Variants in GABRG1 observed in about 807,000 individuals in gnomAD.
The protein encoded by GABRG1 is gamma-aminobutyric acid type A receptor subunit gamma1.
A neutral mutation model predicts 49.8 loss-of-function variants in GABRG1; 49 were observed. The ratio of observed to expected loss-of-function variants is 0.98; its 90% CI spans 0.78 to 1.25. GABRG1 has a LOEUF of 1.25. Among genes scored for constraint, GABRG1 ranks in the 50% most tolerant of loss-of-function variants. The pLI, the probability that GABRG1 is intolerant of heterozygous loss-of-function variation, is 0.00. For missense variants in GABRG1, 552 were observed against 552.3 expected (o/e 1.00, Z 0.01); for synonymous variants, 232 against 185.1 (o/e 1.25, Z -2.06).
intron 8 of GABRG1, among the ~76,000 whole-genome samples, chr4:46,043,153 CAT>C (rs1717849623): frequency 1.3e-5 from 2 of 151,802 alleles, no homozygotes; most frequent in South Asian, 4.1e-4. Context: ...AAACACATTC[CAT>C]ATATGAAACG....
At chr4:46,122,096 A>G (rs1721103520) in intron 1 of GABRG1, among the ~76,000 whole-genome samples, 1 of 152,072 alleles carries the variant, frequency 6.6e-6, no homozygotes. Flanking sequence ...AAGGCCCTTG[A>G]CACATGAGAT....
chr4:46,115,535 A>C (rs964525436), intron 1 of GABRG1, among the ~76,000 whole-genome samples: 3 of 150,704 alleles, frequency 2.0e-5, no homozygotes, highest in Admixed American at 1.3e-4. Context: ...TGAGTAAAAA[A>C]CTCAAACTGT....
chr4:46,112,751 G>A (rs1720759615), intron 1 of GABRG1, among the ~76,000 whole-genome samples: 1 of 151,068 alleles, frequency 6.6e-6, no homozygotes, highest in African/African-American at 2.4e-5. Flanking sequence ...GGGTGCTCAT[G>A]AACATAAAAG....
Position 46,038,417 on chromosome 4 carries a change from C to T in GABRG1, c.*2571G>A, listed in dbSNP as rs1364650216. ...TACAAATGATCTTATTCCTTGTGCT[C>T]CAGGTATCCTTCCCAATTCTTTATA... is the stretch of plus-strand genomic sequence containing the variant. On this transcript the variant is annotated 3_prime_UTR_variant, in exon 9 of 9. Coordinates refer to ENST00000295452, the MANE Select transcript of GABRG1 (RefSeq NM_173536.4). The T allele has an allele frequency of 6.6e-6, 1 of 151,556 alleles. No individual in the cohort carries two copies. Among genetic ancestry groups the T allele is most frequent in the Non-Finnish European group, 1.5e-5 (1 of 67,670 alleles). The allele number at this position is 151,556 out of a possible 1,614,324, so 9.4% of individuals were successfully genotyped here.
intron 1 of GABRG1, among the ~76,000 whole-genome samples, chr4:46,105,016 C>A (rs1413639083): frequency 6.6e-6 from 1 of 151,346 alleles, no homozygotes; most frequent in Non-Finnish European, 1.5e-5. Context: ...TCAGAACTTC[C>A]TCTTGAAAAC....
intron 1 of GABRG1, among the ~76,000 whole-genome samples, chr4:46,098,440 A>G (rs1057073287): frequency 6.6e-6 from 1 of 151,772 alleles, no homozygotes; most frequent in African/African-American, 2.4e-5. Context: ...TTATTCACAT[A>G]TATTTCAAAG....
chr4:46,063,305 T>C (rs2109406995), intron 5 of GABRG1, among the ~76,000 whole-genome samples: 1 of 152,046 alleles, frequency 6.6e-6, no homozygotes, highest in East Asian at 1.9e-4. Context: ...AGCATGGTAC[T>C]GGTACCAAAA....
At chr4:46,061,446 T>G (rs1009401771) in intron 5 of GABRG1, among the ~76,000 whole-genome samples, 1 of 152,124 alleles carries the variant, frequency 6.6e-6, no homozygotes, top group Admixed American at 6.6e-5. Context: ...GAATGTGATC[T>G]GTGAAAACAA....
At chr4:46,048,421 A>T (rs964639944) in intron 8 of GABRG1, among the ~76,000 whole-genome samples, 1 of 135,356 alleles carries the variant, frequency 7.4e-6, no homozygotes, top group Non-Finnish European at 1.6e-5. Flanking sequence ...GAAGGAAGGA[A>T]GGTTCTTCCA....
chr4:46,057,976 G>C (rs1196402535), intron 7 of GABRG1, among the ~76,000 whole-genome samples: 1 of 151,924 alleles, frequency 6.6e-6, no homozygotes, highest in Admixed American at 6.6e-5. Flanking sequence ...GCTTCCCTTG[G>C]TCTTCATTAG....
chr4:46,096,204 T>C (rs1376564100), intron 2 of GABRG1, among the ~76,000 whole-genome samples: 1 of 150,956 alleles, frequency 6.6e-6, no homozygotes, highest in Non-Finnish European at 1.5e-5. Flanking sequence ...AAGCAGAAAA[T>C]ATATAATTAA....
At chr4:46,042,164 C>A (rs1288083539) in intron 8 of GABRG1, among the ~76,000 whole-genome samples, 1 of 151,812 alleles carries the variant, frequency 6.6e-6, no homozygotes, top group Non-Finnish European at 1.5e-5. Flanking sequence ...TGAAACATAG[C>A]AAGTAATCAC....
chr4:46,090,120 C>T (rs190007158), intron 2 of GABRG1, among the ~76,000 whole-genome samples: 1 of 152,122 alleles, frequency 6.6e-6, no homozygotes, highest in East Asian at 1.9e-4. Flanking sequence ...ACAAAGGGTA[C>T]TAAAACATAT....
intron 1 of GABRG1, among the ~76,000 whole-genome samples, chr4:46,098,012 G>C (rs748413097): frequency 6.6e-6 from 1 of 151,650 alleles, no homozygotes; most frequent in Non-Finnish European, 1.5e-5. Flanking sequence ...CATTTTACTA[G>C]AAGTGATATT....
intron 2 of GABRG1, among the ~76,000 whole-genome samples, chr4:46,085,305 G>A (rs1234822486): frequency 1.3e-5 from 2 of 151,364 alleles, no homozygotes; most frequent in African/African-American, 4.8e-5. Context: ...CCAATTATAA[G>A]ATAAACATAT....
chr4:46,065,905 G>C (rs1000758297), intron 3 of GABRG1, among the ~76,000 whole-genome samples: 2 of 152,012 alleles, frequency 1.3e-5, no homozygotes, highest in East Asian at 1.9e-4. Context: ...TGTATTTTTA[G>C]TAGAGAGGGG....
At chr4:46,081,423 A>G (rs939568479) in intron 3 of GABRG1, among the ~76,000 whole-genome samples, 1 of 151,868 alleles carries the variant, frequency 6.6e-6, no homozygotes, top group African/African-American at 2.4e-5. Context: ...CTAGAATGCT[A>G]TCACTACAGT....
intron 3 of GABRG1, among the ~76,000 whole-genome samples, chr4:46,075,785 G>A (rs1423341907): frequency 6.6e-6 from 1 of 152,008 alleles, no homozygotes; most frequent in Non-Finnish European, 1.5e-5. Context: ...GTGCATTTTG[G>A]AGTTTATATA....
At chr4:46,090,531 A>G (rs539386255) in intron 2 of GABRG1, among the ~76,000 whole-genome samples, 1 of 152,192 alleles carries the variant, frequency 6.6e-6, no homozygotes, top group Admixed American at 6.6e-5. Flanking sequence ...ATAGTTCTCT[A>G]TATATAGAGA....
Sources: allele counts gnomAD v4.1 joint callset (sites outside exome capture counted in the v4.1 genomes callset), GRCh38; gene constraint gnomAD v4.1.1; transcripts MANE v1.5; gene names NCBI Gene and HGNC (gene_info 2026-07-23, HGNC 2026-07-21).